The following PPARGC1A variants were observed in gnomAD, a reference collection of about 807,000 sequenced individuals.
PPARGC1A encodes the protein PPARG coactivator 1 alpha.
Under a neutral mutation model 88.7 loss-of-function variants are expected in PPARGC1A, and 25 were observed. The observed-to-expected ratio is 0.28, with a 90% CI of 0.21 to 0.39. The LOEUF is 0.39. Ranked by LOEUF, PPARGC1A falls within the 10% of genes least tolerant of loss-of-function variation. The pLI is 1.00. For synonymous variants in PPARGC1A, 363 were observed against 355.6 expected (o/e 1.02, Z -0.24); for missense variants, 880 against 968.7 (o/e 0.91, Z 1.22).
chr4:24,339,192 ATGTGTG>A, the PPARGC1A span, among the ~76,000 whole-genome samples: 7 of 91,276 alleles, frequency 7.7e-5, no homozygotes, highest in Middle Eastern at 6.5e-3. Context: ...AGGTTCATCC[ATGTGTG>A]TGTGTGTGTG....
the PPARGC1A span, among the ~76,000 whole-genome samples, chr4:24,089,505 CTTTTCTTTCT>C: frequency 8.1e-5 from 6 of 73,834 alleles, no homozygotes; most frequent in South Asian, 1.4e-3. Flanking sequence ...CTTTTCTTTT[CTTTTCTTTCT>C]TTTTTTTTTT....
chr4:24,148,730 C>G, the PPARGC1A span, among the ~76,000 whole-genome samples: 1 of 152,174 alleles, frequency 6.6e-6, no homozygotes, highest in Non-Finnish European at 1.5e-5. Context: ...TTCAAACATG[C>G]TAAGTCAGGT....
the PPARGC1A span, among the ~76,000 whole-genome samples, chr4:23,956,597 T>A: frequency 6.6e-6 from 1 of 152,074 alleles, no homozygotes. Flanking sequence ...ACAAACCATA[T>A]TCTCCAAACA....
the PPARGC1A span, among the ~76,000 whole-genome samples, chr4:24,047,658 C>T: frequency 2.6e-5 from 4 of 152,114 alleles, no homozygotes; most frequent in African/African-American, 9.7e-5. Context: ...CAGTTGTTCA[C>T]GAAGCAACAA....
chr4:24,352,130 G>A, the PPARGC1A span, among the ~76,000 whole-genome samples: 1 of 152,148 alleles, frequency 6.6e-6, no homozygotes. Context: ...AGAGCCACCC[G>A]GGAGTGGGAG....
chr4:23,903,613 C>A (rs1294019517), upstream of PPARGC1A, among the ~76,000 whole-genome samples: 2 of 152,070 alleles, frequency 1.3e-5, no homozygotes, highest in African/African-American at 2.4e-5. Context: ...CCTTAAGGAG[C>A]TACATTTAAA....
At chr4:24,051,828 G>A in the PPARGC1A span, among the ~76,000 whole-genome samples, 1 of 151,946 alleles carries the variant, frequency 6.6e-6, no homozygotes, top group African/African-American at 2.4e-5. Context: ...CATTCTGGGA[G>A]GTGAGATTAT....
At chr4:23,843,910 T>A (rs1186099197) in intron 2 of PPARGC1A, among the ~76,000 whole-genome samples, 1 of 152,000 alleles carries the variant, frequency 6.6e-6, no homozygotes, top group Non-Finnish European at 1.5e-5. Context: ...TGCAGACCAA[T>A]ATCATATTTA....
chr4:24,347,447 T>C, the PPARGC1A span, among the ~76,000 whole-genome samples: 121 of 152,304 alleles, frequency 7.9e-4, no homozygotes, highest in African/African-American at 2.6e-3. Flanking sequence ...CAGTGTTAGG[T>C]GCATATATTT....
the PPARGC1A span, among the ~76,000 whole-genome samples, chr4:24,253,752 G>A: frequency 6.6e-6 from 1 of 152,136 alleles, no homozygotes; most frequent in Non-Finnish European, 1.5e-5. Flanking sequence ...CAGCCCTAGT[G>A]TTCAACAAAA....
At chr4:24,384,558 CAAAAA>C in the PPARGC1A span, among the ~76,000 whole-genome samples, 1 of 53,966 alleles carries the variant, frequency 1.9e-5, no homozygotes, top group African/African-American at 5.5e-5. Context: ...AAATGGAAAG[CAAAAA>C]AAAAAAAAAA....
chr4:23,944,716 T>A, the PPARGC1A span, among the ~76,000 whole-genome samples: 3 of 152,052 alleles, frequency 2.0e-5, no homozygotes, highest in African/African-American at 7.2e-5. Context: ...TTAGTTCTTA[T>A]GAGATCTGAT....
the PPARGC1A span, among the ~76,000 whole-genome samples, chr4:24,446,272 C>T: frequency 6.6e-6 from 1 of 152,162 alleles, no homozygotes. Flanking sequence ...TAATAGCCCT[C>T]CTAACAGATG....
At chr4:23,916,638 A>G in the PPARGC1A span, among the ~76,000 whole-genome samples, 1,707 of 152,278 alleles carry the variant, frequency 0.011, 40 homozygotes, top group South Asian at 0.11. Context: ...ATCATTCTAC[A>G]TAATAGCTGC....
the PPARGC1A span, among the ~76,000 whole-genome samples, chr4:23,936,953 G>A: frequency 2.0e-5 from 3 of 152,018 alleles, no homozygotes; most frequent in Non-Finnish European, 2.9e-5. Context: ...ACCAGCTCCT[G>A]CATGTACTGA....
the PPARGC1A span, among the ~76,000 whole-genome samples, chr4:24,393,044 CA>C: frequency 2.3e-3 from 321 of 136,932 alleles, no homozygotes; most frequent in Middle Eastern, 3.9e-3. Context: ...CACACACACA[CA>C]CACCCCTTTT....
chr4:24,036,356 T>G, the PPARGC1A span, among the ~76,000 whole-genome samples: 3 of 152,206 alleles, frequency 2.0e-5, no homozygotes, highest in Non-Finnish European at 2.9e-5. Context: ...GCTAAACACA[T>G]GCCTACCCTA....
At chr4:24,219,794 T>C in the PPARGC1A span, among the ~76,000 whole-genome samples, 6 of 152,104 alleles carry the variant, frequency 3.9e-5, no homozygotes. Context: ...CAAAGGCCAC[T>C]TCCACATTCT....
At chr4:24,289,087 G>A in the PPARGC1A span, among the ~76,000 whole-genome samples, 8 of 152,052 alleles carry the variant, frequency 5.3e-5, no homozygotes, top group African/African-American at 1.9e-4. Flanking sequence ...GGGCGTAGTG[G>A]TGTCTGCCTG....
Sources: allele counts gnomAD v4.1 joint callset (sites outside exome capture counted in the v4.1 genomes callset), GRCh38; gene constraint gnomAD v4.1.1; transcripts MANE v1.5; gene names NCBI Gene and HGNC (gene_info 2026-07-23, HGNC 2026-07-21).